RERE: variants seen among roughly 807,000 people sequenced by gnomAD.
The protein encoded by RERE is arginine-glutamic acid dipeptide repeats, also known as arginine-glutamic acid dipeptide repeats protein.
In RERE, 40 loss-of-function variants were observed where a neutral mutation model predicts 146.1. That is an observed-to-expected ratio of 0.27 (90% CI 0.21 to 0.36). The LOEUF is 0.36. Ranked by LOEUF, RERE falls within the 10% of genes least tolerant of loss-of-function variation. The pLI is 1.00. For missense variants in RERE, 1,933 were observed against 2,138.7 expected (o/e 0.90, Z 1.90); for synonymous variants, 1,003 against 866.0 (o/e 1.16, Z -2.78).
intron 12 of RERE, among the ~76,000 whole-genome samples, chr1:8,413,378 T>A (rs184123777): frequency 6.6e-6 from 1 of 152,342 alleles, no homozygotes; most frequent in Non-Finnish European, 1.5e-5. Flanking sequence ...GAGACTACTC[T>A]GTTGCCCAGG....
chr1:8,421,606 C>T (rs1643910783), intron 12 of RERE, among the ~76,000 whole-genome samples: 1 of 152,022 alleles, frequency 6.6e-6, no homozygotes, highest in Non-Finnish European at 1.5e-5. Context: ...CCCTTCTTCC[C>T]CATGAGTTAT....
At chr1:8,562,786 A>G (rs1460838886) in intron 4 of RERE, among the ~76,000 whole-genome samples, 1 of 152,158 alleles carries the variant, frequency 6.6e-6, no homozygotes, top group African/African-American at 2.4e-5. Flanking sequence ...GCTAAATTAT[A>G]GACCCTGGCT....
At chr1:8,465,713 T>C (rs896193354) in intron 11 of RERE, 17 of 647,324 alleles carry the variant, frequency 2.6e-5, no homozygotes, top group Admixed American at 1.1e-4. Context: ...GGACAATCTT[T>C]CCCGACATCT....
intron 2 of RERE, among the ~76,000 whole-genome samples, chr1:8,642,642 T>C (rs2124288170): frequency 6.6e-6 from 1 of 152,344 alleles, no homozygotes; most frequent in African/African-American, 2.4e-5. Flanking sequence ...TTAAAAGTGA[T>C]TAAAATGTTT....
chr1:8,501,916 G>A (rs1645167247), intron 8 of RERE, among the ~76,000 whole-genome samples: 2 of 82,956 alleles, frequency 2.4e-5, no homozygotes, highest in Non-Finnish European at 4.9e-5. Flanking sequence ...CCGGCCAGCC[G>A]CCCCGTCCGG....
intron 1 of RERE, among the ~76,000 whole-genome samples, chr1:8,762,172 T>C (rs540848364): frequency 6.6e-6 from 1 of 152,294 alleles, no homozygotes; most frequent in South Asian, 2.1e-4. Flanking sequence ...CATTGCTTCC[T>C]CCTCTGAACT....
chr1:8,622,486 T>TAA (rs1167355778), intron 3 of RERE, among the ~76,000 whole-genome samples: 84 of 42,992 alleles, frequency 2.0e-3, no homozygotes, highest in Middle Eastern at 0.017. Flanking sequence ...TGTATCTGTT[T>TAA]AAAAAAAAAA....
chr1:8,500,380 T>A (rs1225979658), intron 8 of RERE, among the ~76,000 whole-genome samples: 1 of 152,230 alleles, frequency 6.6e-6, no homozygotes, highest in African/African-American at 2.4e-5. Flanking sequence ...CTCTTAATCA[T>A]AAGAATTGAT....
intron 3 of RERE, among the ~76,000 whole-genome samples, chr1:8,617,177 T>C (rs1329009595): frequency 6.6e-6 from 1 of 151,896 alleles, no homozygotes; most frequent in Non-Finnish European, 1.5e-5. Context: ...ACCCCGTCTC[T>C]ACTAAGAATA....
At chr1:8,635,957 C>T (rs376372630) in intron 2 of RERE, among the ~76,000 whole-genome samples, 221 of 110,878 alleles carry the variant, frequency 2.0e-3, no homozygotes, top group African/African-American at 7.9e-3. Flanking sequence ...TTTATCTTAT[C>T]TTATCTTATC....
chr1:8,804,996 G>GGTTT (rs1557553291), intron 1 of RERE, among the ~76,000 whole-genome samples: 5 of 116,352 alleles, frequency 4.3e-5, no homozygotes, highest in African/African-American at 1.6e-4. Context: ...TTTTTGTTTT[G>GGTTT]TTTTGTTTTT....
chr1:8,726,926 C>T (rs1639981498), intron 1 of RERE, among the ~76,000 whole-genome samples: 1 of 152,040 alleles, frequency 6.6e-6, no homozygotes, highest in African/African-American at 2.4e-5. Flanking sequence ...CTACCTCAGC[C>T]TCCAGAGTAG....
intron 3 of RERE, among the ~76,000 whole-genome samples, chr1:8,622,022 T>C (rs1170350344): frequency 6.6e-6 from 1 of 152,242 alleles, no homozygotes; most frequent in African/African-American, 2.4e-5. Context: ...CAGCAGTGTG[T>C]GATTTAGAAA....
chr1:8,416,009 A>G (rs1478642299), intron 12 of RERE, among the ~76,000 whole-genome samples: 1 of 152,212 alleles, frequency 6.6e-6, no homozygotes, highest in East Asian at 1.9e-4. Context: ...AATAACTTAT[A>G]TTTCTTTTTC....
intron 1 of RERE, among the ~76,000 whole-genome samples, chr1:8,755,578 T>A (rs2124522353): frequency 6.6e-6 from 1 of 152,272 alleles, no homozygotes; most frequent in African/African-American, 2.4e-5. Flanking sequence ...CTGGGGAGGT[T>A]GAAAGGCAGT....
chr1:8,701,328 A>T (rs987655836), intron 1 of RERE, among the ~76,000 whole-genome samples: 1 of 124,740 alleles, frequency 8.0e-6, no homozygotes, highest in African/African-American at 3.3e-5. Context: ...ACACACGCAC[A>T]CACTCCCTCC....
intron 1 of RERE, among the ~76,000 whole-genome samples, chr1:8,708,905 G>GTTTTTTTTT (rs35403792): frequency 4.1e-5 from 3 of 72,324 alleles, no homozygotes; most frequent in African/African-American, 1.2e-4. Flanking sequence ...AAACTCTGGA[G>GTTTTTTTTT]TTTTTTTTTT....
intron 1 of RERE, among the ~76,000 whole-genome samples, chr1:8,707,642 C>T (rs1235464475): frequency 6.6e-6 from 1 of 152,168 alleles, no homozygotes; most frequent in African/African-American, 2.4e-5. Flanking sequence ...TTTCCTATAG[C>T]ATTATCCAGT....
At chr1:8,369,367 T>C (rs186565680) in intron 12 of RERE, among the ~76,000 whole-genome samples, 1 of 151,882 alleles carries the variant, frequency 6.6e-6, no homozygotes, top group Admixed American at 6.6e-5. Flanking sequence ...GAAAGAAATC[T>C]AACATTGAAA....
Sources: allele counts gnomAD v4.1 joint callset (sites outside exome capture counted in the v4.1 genomes callset), GRCh38; gene constraint gnomAD v4.1.1; transcripts MANE v1.5; gene names NCBI Gene and HGNC (gene_info 2026-07-23, HGNC 2026-07-21).